The following CTNNA2 variants were observed in gnomAD, a reference collection of about 807,000 sequenced individuals.
The protein encoded by CTNNA2 is catenin alpha-2.
A neutral mutation model predicts 101.0 loss-of-function variants in CTNNA2; 42 were observed. The observed-to-expected ratio is 0.42, with a 90% CI of 0.32 to 0.54. The LOEUF (loss-of-function observed/expected upper bound fraction) is 0.54. Ranked by LOEUF, CTNNA2 falls within the 20% of genes least tolerant of loss-of-function variation. The pLI, the probability that CTNNA2 is intolerant of heterozygous loss-of-function variation, is 0.14. For missense variants in CTNNA2, 871 were observed against 1,223.1 expected (o/e 0.71, Z 4.29); for synonymous variants, 450 against 456.4 (o/e 0.99, Z 0.18).
chr2:79,882,455 TG>T (rs1683510676), intron 6 of CTNNA2, among the ~76,000 whole-genome samples: 2 of 152,266 alleles, frequency 1.3e-5, no homozygotes, highest in East Asian at 3.9e-4. Flanking sequence ...TGAGGATGGA[TG>T]GGTCAGGCTC....
rs375541484 is a variant in CTNNA2, at chr2:79,842,739, T to A, written c.299-15274T>A. Among the ~76,000 whole-genome samples the A allele has an allele frequency of 6.6e-5, 10 of 152,124 alleles. 1 individual carries two copies. In the East Asian group the frequency reaches 9.7e-4, roughly 15 times the overall value. ...TTTTAAATCTTTGAAATGGAGCTAG[T>A]GTCATCCACCTCACTGTGAGATTTT... is the stretch of plus-strand genomic sequence containing the variant. On this transcript the variant is annotated intron_variant, in intron 3 of 18. Transcript: ENST00000402739.
chr2:80,069,009 T>C (rs868233882), intron 7 of CTNNA2, among the ~76,000 whole-genome samples: 5 of 152,204 alleles, frequency 3.3e-5, no homozygotes, highest in Non-Finnish European at 2.9e-5. Context: ...AGGAGATTTA[T>C]TATGACTAAC....
At chr2:80,355,927 A>G (rs1163531028) in intron 7 of CTNNA2, among the ~76,000 whole-genome samples, 6 of 148,718 alleles carry the variant, frequency 4.0e-5, no homozygotes, top group South Asian at 2.2e-4. Flanking sequence ...GCACAGTCAC[A>G]TTGTTCTTTT....
At chr2:80,457,324 A>G (rs1314179557) in intron 9 of CTNNA2, among the ~76,000 whole-genome samples, 2 of 152,082 alleles carry the variant, frequency 1.3e-5, no homozygotes, top group East Asian at 3.9e-4. Flanking sequence ...TTGGCCTCCC[A>G]AACTGCTGAG....
chr2:80,628,411 C>G (rs1257514323), intron 18 of CTNNA2, among the ~76,000 whole-genome samples: 2 of 151,770 alleles, frequency 1.3e-5, no homozygotes, highest in African/African-American at 4.8e-5. Context: ...GGTACCAAAC[C>G]AGAGATATCA....
chr2:80,629,870 G>A (rs550459803), intron 18 of CTNNA2, among the ~76,000 whole-genome samples: 2 of 152,282 alleles, frequency 1.3e-5, no homozygotes, highest in South Asian at 2.1e-4. Flanking sequence ...CCATAGGACT[G>A]GTTGAAATCT....
intron 7 of CTNNA2, among the ~76,000 whole-genome samples, chr2:80,022,622 G>A (rs1191249196): frequency 1.3e-5 from 2 of 152,030 alleles, no homozygotes; most frequent in Non-Finnish European, 2.9e-5. Context: ...TAAAAAATAA[G>A]AAGGATGAAC....
chr2:79,540,793 C>T lies in CTNNA2; in HGVS notation c.-6+27586C>T, dbSNP rs1673360196. Among the ~76,000 whole-genome samples, 3 of 152,278 alleles carry T rather than the reference C, an allele frequency of 2.0e-5. No individual in the cohort carries two copies. In the South Asian group the frequency reaches 6.2e-4, roughly 32 times the overall value. On this transcript the variant is annotated intron_variant, in intron 1 of 18. Coordinates refer to ENST00000402739, the MANE Select transcript of CTNNA2 (RefSeq NM_001282597.3). ...GACTTTGCTTTGTGTAGTTTTTGGACACCATTTAACTCTTCAGTGATTTGT... is the reference window on the plus strand; with the variant it reads ...GACTTTGCTTTGTGTAGTTTTTGGATACCATTTAACTCTTCAGTGATTTGT...
At chr2:79,658,913 C>T (rs1207544154) in intron 2 of CTNNA2, among the ~76,000 whole-genome samples, 1 of 151,772 alleles carries the variant, frequency 6.6e-6, no homozygotes, top group African/African-American at 2.4e-5. Context: ...AAATTTTACT[C>T]CAAAATTTAA....
chr2:79,737,254 C>A (rs1670954659), intron 2 of CTNNA2, among the ~76,000 whole-genome samples: 1 of 151,128 alleles, frequency 6.6e-6, no homozygotes, highest in African/African-American at 2.4e-5. Flanking sequence ...GAGGCTGAGG[C>A]AGGAGAATAG....
chr2:79,290,078 T>A (rs965403943), intron 2 of CTNNA2, among the ~76,000 whole-genome samples: 1 of 152,196 alleles, frequency 6.6e-6, no homozygotes, highest in Non-Finnish European at 1.5e-5. Context: ...TGCATTTGCA[T>A]GACCCTAAGA....
At chr2:80,335,501 C>T (rs1671695059) in intron 7 of CTNNA2, among the ~76,000 whole-genome samples, 2 of 152,050 alleles carry the variant, frequency 1.3e-5, no homozygotes, top group African/African-American at 4.8e-5. Context: ...GCGCAGTGTA[C>T]AATCACATCA....
intron 7 of CTNNA2, among the ~76,000 whole-genome samples, chr2:80,139,902 G>C (rs563796542): frequency 6.6e-6 from 1 of 152,228 alleles, no homozygotes; most frequent in African/African-American, 2.4e-5. Context: ...AGCAAAAAAA[G>C]CCTGTCCCGG....
chr2:79,866,066 T>C (rs1308348810), intron 4 of CTNNA2, among the ~76,000 whole-genome samples: 2 of 152,206 alleles, frequency 1.3e-5, no homozygotes, highest in Non-Finnish European at 2.9e-5. Flanking sequence ...CCAGGAAAAT[T>C]AGACACTGAT....
chr2:79,539,149 T>C (rs1673251494), intron 1 of CTNNA2, among the ~76,000 whole-genome samples: 1 of 152,034 alleles, frequency 6.6e-6, no homozygotes, highest in Non-Finnish European at 1.5e-5. Flanking sequence ...GACCATATGG[T>C]GAATGTGAGT....
chr2:79,724,191 GT>G (rs1686667402), intron 2 of CTNNA2, among the ~76,000 whole-genome samples: 3 of 150,894 alleles, frequency 2.0e-5, no homozygotes, highest in Non-Finnish European at 1.5e-5. Flanking sequence ...TTTCCTTCAG[GT>G]TTTTTTCCAT....
intron 9 of CTNNA2, among the ~76,000 whole-genome samples, chr2:80,428,895 A>G (rs936679859): frequency 6.6e-6 from 1 of 152,112 alleles, no homozygotes. Context: ...TTTTTTTAAG[A>G]CAAACCCAAT....
intron 2 of CTNNA2, among the ~76,000 whole-genome samples, chr2:79,312,476 G>A (rs1029074313): frequency 6.6e-6 from 1 of 152,098 alleles, no homozygotes; most frequent in African/African-American, 2.4e-5. Context: ...TATTTATTGA[G>A]TACTTTGTGT....
chr2:80,316,017 T>C (rs924106056), intron 7 of CTNNA2, among the ~76,000 whole-genome samples: 4 of 152,216 alleles, frequency 2.6e-5, no homozygotes, highest in Admixed American at 2.0e-4. Flanking sequence ...GCTAAGGTTT[T>C]AGAAGCACTG....
Sources: gnomAD v4.1 joint callset for allele counts (sites outside exome capture counted in the v4.1 genomes callset) on GRCh38, gnomAD v4.1.1 for gene constraint, MANE v1.5 for transcripts, NCBI Gene and HGNC (gene_info 2026-07-23, HGNC 2026-07-21) for gene names.